The following PCDHGB3 variants were observed in gnomAD, a reference collection of about 807,000 sequenced individuals.
The protein encoded by PCDHGB3 is protocadherin gamma subfamily B, 3.
In PCDHGB3, 40 loss-of-function variants were observed where a neutral mutation model predicts 59.2. That is an observed-to-expected ratio of 0.68 (90% confidence interval 0.52 to 0.88). The LOEUF is 0.88. Among genes scored for constraint, PCDHGB3 ranks in the 40% least tolerant of loss-of-function variants. The pLI is 0.00. For synonymous variants in PCDHGB3, 581 were observed against 503.6 expected (o/e 1.15, Z -2.06); for missense variants, 1,309 against 1,187.9 (o/e 1.10, Z -1.50).
At chr5:141,398,895 A>G (rs2093721929) in intron 1 of PCDHGB3, 3 of 1,613,988 alleles carry the variant, frequency 1.9e-6, no homozygotes, top group African/African-American at 1.3e-5. Flanking sequence ...AAAACGTGCC[A>G]CCAGGCACCA....
At chr5:141,474,044 T>A (rs1442885504) in intron 1 of PCDHGB3, among the ~76,000 whole-genome samples, 3 of 152,162 alleles carry the variant, frequency 2.0e-5, no homozygotes. Context: ...TACTCCAGCC[T>A]GGATGACAGA....
chr5:141,428,176 A>G (rs751446929), intron 1 of PCDHGB3: 21 of 1,507,402 alleles, frequency 1.4e-5, no homozygotes, highest in Non-Finnish European at 1.9e-5. Context: ...TGCGTGACGG[A>G]GGACAGCCGC....
Position 141,432,084 on chromosome 5 carries a change from TG to T in PCDHGB3, c.2415+59277del. 6.2e-7 allele frequency: 1 copy of T among 1,614,186 alleles called. No homozygotes were observed. Among genetic ancestry groups the T allele is most frequent in the Non-Finnish European group, 8.5e-7 (1 of 1,180,034 alleles). ...ACGGAAACTCATATCTCGCTGAACG[TG>T]GCAGACACCAACGACAACCCGCCGG... On this transcript the variant is annotated intron_variant, in intron 1 of 3. Transcript: ENST00000576222. The surrounding 1 kb of genome is among the most constrained non-coding windows in gnomAD (Gnocchi z 6.0).
At chr5:141,390,523 G>A in intron 1 of PCDHGB3, 1 of 556,304 alleles carries the variant, frequency 1.8e-6, no homozygotes, top group Non-Finnish European at 3.1e-6. Context: ...AGCAATGAGG[G>A]TGTGGTTTTA....
intron 1 of PCDHGB3, among the ~76,000 whole-genome samples, chr5:141,463,302 A>T (rs2099056422): frequency 6.6e-6 from 1 of 151,090 alleles, no homozygotes; most frequent in Non-Finnish European, 1.5e-5. Context: ...ATCTCCCCAA[A>T]CTCTAATATC....
intron 1 of PCDHGB3, chr5:141,393,333 C>G: frequency 6.3e-7 from 1 of 1,582,250 alleles, no homozygotes; most frequent in Non-Finnish European, 8.6e-7. Context: ...CCAGCTCAGC[C>G]CCAATCACCA....
intron 1 of PCDHGB3, among the ~76,000 whole-genome samples, chr5:141,446,473 G>C (rs558209769): frequency 2.0e-4 from 29 of 148,138 alleles, no homozygotes; most frequent in Non-Finnish European, 1.5e-4. Context: ...TAGACATATG[G>C]TCATCATTCT....
At chr5:141,474,834 A>G (rs557557147) in intron 1 of PCDHGB3, among the ~76,000 whole-genome samples, 4 of 152,380 alleles carry the variant, frequency 2.6e-5, no homozygotes, top group South Asian at 4.1e-4. Context: ...ACTCTGTGCC[A>G]GGCACTTTAC....
chr5:141,422,382 T>C (rs1390444026), intron 1 of PCDHGB3: 5 of 1,585,154 alleles, frequency 3.2e-6, no homozygotes, highest in Admixed American at 1.8e-5. Context: ...AAGTCTCCTG[T>C]TTTATTCCTA....
intron 1 of PCDHGB3, chr5:141,403,564 G>A (rs2094422320): frequency 2.5e-6 from 4 of 1,613,834 alleles, no homozygotes; most frequent in Non-Finnish European, 2.5e-6. Context: ...ACAGGGAGGA[G>A]GCAACTGCCC....
intron 1 of PCDHGB3, chr5:141,400,372 A>G: frequency 6.2e-7 from 1 of 1,613,980 alleles, no homozygotes; most frequent in Non-Finnish European, 8.5e-7. Flanking sequence ...TTATTCCTAC[A>G]ACCTATGTGT....
intron 1 of PCDHGB3, among the ~76,000 whole-genome samples, chr5:141,481,259 C>T (rs1176419744): frequency 1.3e-5 from 2 of 152,146 alleles, no homozygotes; most frequent in African/African-American, 4.8e-5. Context: ...TCTAAAAGAT[C>T]ACTGTAGGAA....
chr5:141,398,313 G>T lies in PCDHGB3; in HGVS notation c.2415+25504G>T, dbSNP rs1270917645. The T allele has an allele frequency of 6.6e-6, 9 of 1,358,982 alleles. No individual in the cohort carries two copies. The South Asian group carries it at 1.1e-4, about 16-fold the overall frequency. 84.2% of individuals were successfully genotyped at this position (1,358,982 alleles called of 1,614,324 possible). A position where few individuals can be genotyped will look rare whatever the true frequency, so the allele number is the denominator to read the frequency against. ...TGGGGTTCAGCGTCCAGGAGTTACC[G>T]ACTCGAAAACTGCGCGTCAGTTCGG... On this transcript the variant is annotated intron_variant, in intron 1 of 3. Transcript: ENST00000576222.
intron 1 of PCDHGB3, chr5:141,442,535 A>C (rs2098331560): frequency 6.6e-6 from 1 of 152,240 alleles, no homozygotes; most frequent in Non-Finnish European, 1.5e-5. Flanking sequence ...CTCCAAGGTG[A>C]AAAATTCTTG....
At chr5:141,374,571 G>A in intron 1 of PCDHGB3, 1 of 1,613,670 alleles carries the variant, frequency 6.2e-7, no homozygotes, top group Non-Finnish European at 8.5e-7. Flanking sequence ...CCTGATGTGG[G>A]AATGAACTCC....
At chr5:141,428,882 T>C in intron 1 of PCDHGB3, 1 of 151,216 alleles carries the variant, frequency 6.6e-6, no homozygotes, top group African/African-American at 2.4e-5. Context: ...TTGGACGGAG[T>C]CTCGCTCTGT....
At chr5:141,398,608 G>C in intron 1 of PCDHGB3, 4 of 1,614,062 alleles carry the variant, frequency 2.5e-6, no homozygotes, top group Non-Finnish European at 3.4e-6. Context: ...AGAAGATGCA[G>C]ATATTGGCTT....
intron 1 of PCDHGB3, chr5:141,404,430 A>G (rs917902438): frequency 6.2e-7 from 1 of 1,613,298 alleles, no homozygotes; most frequent in African/African-American, 1.3e-5. Context: ...TCCTTGGCAG[A>G]GGATACCATC....
intron 2 of PCDHGB3, among the ~76,000 whole-genome samples, chr5:141,495,119 C>T (rs1024197360): frequency 3.9e-5 from 6 of 152,182 alleles, no homozygotes; most frequent in African/African-American, 1.4e-4. Context: ...CTTTTCCTAT[C>T]CCCTGAGGGC....
Sources: allele counts gnomAD v4.1 joint callset (sites outside exome capture counted in the v4.1 genomes callset), GRCh38; gene constraint gnomAD v4.1.1; non-coding constraint Gnocchi (gnomAD v3.1); transcripts MANE v1.5; gene names NCBI Gene and HGNC (gene_info 2026-07-23, HGNC 2026-07-21).